The following MADD variants were observed in gnomAD, a reference collection of about 807,000 sequenced individuals.
MADD encodes the protein MAP kinase activating death domain.
MADD carries 109 observed loss-of-function variants against 176.7 expected under a neutral mutation model. That is an observed-to-expected ratio of 0.62 (90% confidence interval 0.53 to 0.72). MADD has a LOEUF of 0.72. Among genes scored for constraint, MADD ranks in the 30% least tolerant of loss-of-function variants. The pLI is 0.00. For synonymous variants in MADD, 771 were observed against 771.3 expected (o/e 1.00, Z 0.01); for missense variants, 1,914 against 2,045.5 (o/e 0.94, Z 1.24).
exon 6 of MADD, chr11:47,278,175 C>T (rs918716580): frequency 2.5e-6 from 4 of 1,613,450 alleles, no homozygotes; most frequent in Non-Finnish European, 3.4e-6. Flanking sequence ...CTGCTGTTGG[C>T]TCCAACCCCG....
chr11:47,285,980 G>A (rs1851729301), intron 14 of MADD, among the ~76,000 whole-genome samples: 1 of 152,208 alleles, frequency 6.6e-6, no homozygotes, highest in Admixed American at 6.5e-5. Flanking sequence ...AAATCGATAT[G>A]AGATTGAATT....
Position 47,284,504 on chromosome 11 carries a change from G to T in MADD, c.2096G>T (p.Arg699Leu), listed in dbSNP as rs751993844. The stretch of plus-strand genomic sequence containing the variant: ...AACTCTCAGGAAAACCCCCCACTGC[G>T]CTCCAGCTCTAGCACCACAGCCAGC... Residue 699 changes from arginine (R) to leucine (L), a missense_variant, in exon 12 of 33, where the codon CGC (arginine) becomes CTC (leucine). Arg to Leu is a moderately radical substitution (Grantham distance 102, BLOSUM62 -2). Coordinates refer to ENST00000402192, the Ensembl canonical transcript of MADD. 6.2e-7 allele frequency: 1 copy of T among 1,614,086 alleles called. No homozygotes were observed. The highest frequency in any genetic ancestry group is 1.7e-5 in the Admixed American group (1 of 60,018).
At chr11:47,328,576 G>T in intron 31 of MADD, 82 bp from the exon 36 acceptor site, 2 of 1,596,970 alleles carry the variant, frequency 1.3e-6, no homozygotes, top group Non-Finnish European at 1.7e-6. Flanking sequence ...CCCTGACGCC[G>T]GGCGCTGCCG....
Position 47,308,828 on chromosome 11 carries a change from T to C in MADD, c.3751+129T>C. 3.0e-6 allele frequency: 3 copies of C among 1,015,864 alleles called. No individual in the cohort carries two copies. The South Asian group carries it at 4.2e-5, about 14-fold the overall frequency. 62.9% of individuals were successfully genotyped at this position (1,015,864 alleles called of 1,614,324 possible). A position where few individuals can be genotyped will look rare whatever the true frequency, so the allele number is the denominator to read the frequency against. ...ATGCTAACATTAGATAGCAGTTTTATACCTGAAGCAAGCGACTTACTGGGT... is the reference window on the plus strand; with the variant it reads ...ATGCTAACATTAGATAGCAGTTTTACACCTGAAGCAAGCGACTTACTGGGT... On this transcript the variant is annotated intron_variant, in intron 23 of 32. Coordinates refer to ENST00000402192, the Ensembl canonical transcript of MADD.
At chr11:47,272,931 G>C (rs1359299128) in intron 1 of MADD, among the ~76,000 whole-genome samples, 2 of 152,178 alleles carry the variant, frequency 1.3e-5, no homozygotes, top group African/African-American at 2.4e-5. Flanking sequence ...TGGCCTCTGG[G>C]CTCCTTTCTT....
At chr11:47,285,173 G>C (rs780297365) in exon 13 of MADD, 15 of 1,614,000 alleles carry the variant, frequency 9.3e-6, no homozygotes, top group Non-Finnish European at 1.1e-5. Flanking sequence ...CCCCGATTCA[G>C]CCAACATGTC....
chr11:47,325,450 C>T lies in MADD; in HGVS notation c.4542+873C>T, dbSNP rs1055369569. The T allele has an allele frequency of 6.6e-6, 1 of 152,320 alleles. No individual in the cohort carries two copies. The highest frequency in any genetic ancestry group is 1.5e-5 in the Non-Finnish European group (1 of 68,102). 9.4% of individuals were successfully genotyped at this position (152,320 alleles called of 1,614,324 possible). On this transcript the variant is annotated intron_variant, in intron 30 of 32. Coordinates refer to ENST00000402192, the Ensembl canonical transcript of MADD. This position sits in a 1 kb window ranked among gnomAD's most constrained non-coding sequence, Gnocchi z 4.5. ...TGTGTGAAGCCCCACAGACCCTGGC[C>T]AGGCCGCAGACCCTCAGGGGAGGTG...
chr11:47,290,518 G>C, intron 18 of MADD, 92 bp from the exon 20 acceptor site: 1 of 1,361,494 alleles, frequency 7.3e-7, no homozygotes, highest in Admixed American at 2.1e-5. Flanking sequence ...CTTCCATTCC[G>C]CACCCTCCTG....
intron 19 of MADD, among the ~76,000 whole-genome samples, chr11:47,292,829 G>C (rs1197951600): frequency 6.6e-6 from 1 of 152,092 alleles, no homozygotes; most frequent in Non-Finnish European, 1.5e-5. Context: ...CAACTCCCCA[G>C]AACTTGGTTC....
chr11:47,308,851 G>T, intron 23 of MADD, 129 bp from the exon 26 acceptor site: 1 of 1,038,806 alleles, frequency 9.6e-7, no homozygotes, highest in Non-Finnish European at 1.5e-6. Flanking sequence ...CGACTTACTG[G>T]GTCCAGAACA....
chr11:47,284,525 C>G (rs778544808), exon 12 of MADD: 2 of 1,614,110 alleles, frequency 1.2e-6, no homozygotes, highest in South Asian at 2.2e-5. Context: ...AGCACCACAG[C>G]CAGCAGCAGC....
intron 31 of MADD, chr11:47,327,620 TC>T: frequency 1.0e-6 from 1 of 985,330 alleles, no homozygotes; most frequent in Non-Finnish European, 1.2e-6. Flanking sequence ...TGGACTTTCC[TC>T]CCCGTGTGTT....
intron 15 of MADD, among the ~76,000 whole-genome samples, chr11:47,286,857 CATG>C (rs2137888461): frequency 6.6e-6 from 1 of 152,302 alleles, no homozygotes; most frequent in South Asian, 2.1e-4. Flanking sequence ...GTTGCCACTG[CATG>C]AACTTAGGGC....
exon 12 of MADD, chr11:47,284,498 C>G: frequency 1.9e-6 from 3 of 1,614,108 alleles, no homozygotes; most frequent in Non-Finnish European, 2.5e-6. Flanking sequence ...GAAAACCCCC[C>G]ACTGCGCTCC....
exon 16 of MADD, chr11:47,289,425 T>C: frequency 6.2e-7 from 1 of 1,614,198 alleles, no homozygotes; most frequent in Non-Finnish European, 8.5e-7. Flanking sequence ...AGAAGTCATC[T>C]GTCATTAAAC....
chr11:47,309,406 G>A lies in MADD; in HGVS notation c.3872+5G>A. ...TCCCCAGGAAATGATCGACAGGTATGGGGCTTAGGAAACCATTGGGAATCA... is the reference window on the plus strand; with the variant it reads ...TCCCCAGGAAATGATCGACAGGTATAGGGCTTAGGAAACCATTGGGAATCA... On this transcript the variant is annotated splice_donor_5th_base_variant and intron_variant, in intron 24 of 32. Coordinates refer to ENST00000402192, the Ensembl canonical transcript of MADD. 6.2e-7 allele frequency: 1 copy of A among 1,614,138 alleles called. No individual in the cohort carries two copies. The highest frequency in any genetic ancestry group is 8.5e-7 in the Non-Finnish European group (1 of 1,179,998).
intron 22 of MADD, among the ~76,000 whole-genome samples, chr11:47,301,361 A>G (rs759753825): frequency 2.6e-5 from 4 of 151,506 alleles, no homozygotes; most frequent in Non-Finnish European, 5.9e-5. Flanking sequence ...AAGGTGATCC[A>G]CCCATCTCAG....
exon 4 of MADD, chr11:47,276,134 C>T: frequency 6.2e-7 from 1 of 1,614,214 alleles, no homozygotes; most frequent in South Asian, 1.1e-5. Flanking sequence ...CCCACTGCAC[C>T]TTCCCTTGGA....
exon 33 of MADD, chr11:47,329,418 C>G (rs1013695043): frequency 6.3e-6 from 3 of 477,340 alleles, no homozygotes; most frequent in Non-Finnish European, 1.2e-5. Flanking sequence ...CGGTGTGAAC[C>G]CACTATTTTG....
Sources: gnomAD v4.1 joint callset for allele counts (sites outside exome capture counted in the v4.1 genomes callset) on GRCh38, gnomAD v4.1.1 for gene constraint, Gnocchi (gnomAD v3.1) non-coding constraint, MANE v1.5 for transcripts, NCBI Gene and HGNC (gene_info 2026-07-23, HGNC 2026-07-21) for gene names.